ABCA4: variants seen among roughly 807,000 people sequenced by gnomAD.
ABCA4 encodes the protein ATP binding cassette subfamily A member 4, also known as retinal-specific phospholipid-transporting ATPase ABCA4.
In ABCA4, 196 loss-of-function variants were observed where a neutral mutation model predicts 263.7. The observed-to-expected ratio is 0.74, with a 90% CI of 0.66 to 0.84. The LOEUF is 0.84. Among genes scored for constraint, ABCA4 ranks in the 40% least tolerant of loss-of-function variants. The pLI is 0.00. For missense variants in ABCA4, 2,792 were observed against 2,855.1 expected (o/e 0.98, Z 0.50); for synonymous variants, 1,133 against 1,094.2 (o/e 1.04, Z -0.70).
Position 94,060,642 on chromosome 1 carries a change from G to A in ABCA4, c.2055C>T (p.Thr685=), listed in dbSNP as rs769157948. 3 of 1,614,138 alleles carry A rather than the reference G, an allele frequency of 1.9e-6. No homozygotes were observed. The South Asian group carries it at 3.3e-5, about 18-fold the overall frequency. The part of the protein sequence containing the change: ...VLEKELRLKE[T]LKNQGVSNAV... ...CATTGGAGACACCCTGATTTTTCAA[G>A]GTCTCCTTCAGTCGCAACTCCTTCT... The change falls in exon 14 of 50, where the codon ACC becomes ACT. Residue 685 remains threonine (T), a synonymous_variant. Coordinates refer to ENST00000370225, the MANE Select transcript of ABCA4 (RefSeq NM_000350.3).
chr1:94,041,765 AC>A (rs1217167480), intron 22 of ABCA4, among the ~76,000 whole-genome samples: 1 of 152,178 alleles, frequency 6.6e-6, no homozygotes, highest in Non-Finnish European at 1.5e-5. Context: ...TAAAGAACAC[AC>A]ACGTGCATAC....
rs61749459 is a variant in ABCA4, at chr1:94,043,462, C to G, written c.3064G>C (p.Glu1022Gln). Residue 1022 changes from glutamate (E) to glutamine (Q), a missense_variant, in exon 21 of 50, where the codon GAG (glutamate) becomes CAG (glutamine). Glu to Gln is a conservative substitution (Grantham distance 29, BLOSUM62 2). Transcript: ENST00000370225. ...NILFHHLTVA[E>Q]HMLFYAQLKG... ...AGCTGGGCATAGAACAGCATGTGCT[C>G]AGCCACCGTGAGGCTAGGAGGATGG... 6.2e-7 allele frequency: 1 copy of G among 1,614,176 alleles called. No homozygotes were observed. Among genetic ancestry groups the G allele is most frequent in the Admixed American group, 1.7e-5 (1 of 60,030 alleles).
At chr1:94,079,273 A>G in intron 9 of ABCA4, 49 bp downstream of exon 9, 1 of 1,607,892 alleles carries the variant, frequency 6.2e-7, no homozygotes, top group Middle Eastern at 1.7e-4. Flanking sequence ...ACACACACAC[A>G]CTTCTGGGAG....
chr1:94,091,137 T>A (rs908907342), intron 6 of ABCA4, among the ~76,000 whole-genome samples: 1 of 152,104 alleles, frequency 6.6e-6, no homozygotes, highest in African/African-American at 2.4e-5. Flanking sequence ...AGAGAAACAA[T>A]AGCTTGAGAT....
At position 94,032,043 on chromosome 1, in the gene ABCA4, C is replaced by T; in HGVS notation, c.3863G>A (p.Gly1288Asp). Residue 1288 changes from glycine (G) to aspartate (D), a missense_variant and splice_region_variant, in exon 27 of 50, where the codon GGT becomes GAT. Physicochemically the swap from Gly to Asp is moderately conservative, Grantham distance 94 (BLOSUM62 -1). Transcript: ENST00000370225. The stretch of plus-strand genomic sequence containing the variant: ...GTTTTCTCTTTTCTGCTGAGCGCCA[C>T]CTGTTTTGAGAGATTGAATTAATAA... ...EDSDSGPLFA[G>D]GAQQKRENVN... 1 of 1,610,032 alleles carries T rather than the reference C, an allele frequency of 6.2e-7. No individual in the cohort carries two copies. The highest frequency in any genetic ancestry group is 8.5e-7 in the Non-Finnish European group (1 of 1,179,984).
rs777636827 is a variant in ABCA4 at position 94,056,622 on chromosome 1, G to T, written c.2361C>A (p.Thr787=). ...ILCFAWQDRM[T]AELKKAVSLL... ...TCACCACAGCCTTCTTCAGCTCAGC[G>T]GTCATGCGGTCCTGCCAGGCGAAGC... is the stretch of plus-strand genomic sequence containing the variant. Residue 787 remains threonine (T), a synonymous_variant, in exon 15 of 50, where the codon ACC becomes ACA. Transcript: ENST00000370225. 6.2e-7 allele frequency: 1 copy of T among 1,613,170 alleles called. No homozygotes were observed. The highest frequency in any genetic ancestry group is 1.7e-5 in the Admixed American group (1 of 59,998).
At chr1:94,032,652 CCAAA>C (rs1224151566) in intron 26 of ABCA4, among the ~76,000 whole-genome samples, 2 of 152,038 alleles carry the variant, frequency 1.3e-5, no homozygotes, top group East Asian at 1.9e-4. Context: ...ACAAAGAAAA[CCAAA>C]CAAACAAACA....
chr1:94,034,122 C>G (rs1181327930), intron 26 of ABCA4, among the ~76,000 whole-genome samples: 1 of 152,166 alleles, frequency 6.6e-6, no homozygotes, highest in African/African-American at 2.4e-5. Context: ...GGAGGCTGCA[C>G]AAATGTTTCT....
At chr1:94,118,460 AG>A (rs558799082) in intron 1 of ABCA4, among the ~76,000 whole-genome samples, 3 of 152,240 alleles carry the variant, frequency 2.0e-5, no homozygotes, top group East Asian at 3.9e-4. Context: ...CTTTTCTTAG[AG>A]GGACCATCTT....
At chr1:94,049,707 C>T (rs915015468) in intron 17 of ABCA4, among the ~76,000 whole-genome samples, 5 of 152,104 alleles carry the variant, frequency 3.3e-5, no homozygotes, top group African/African-American at 1.2e-4. Context: ...TATGGTTTAC[C>T]TGAGAAATTC....
intron 26 of ABCA4, 84 bp from the exon 27 acceptor site, chr1:94,032,127 A>G: frequency 6.5e-7 from 1 of 1,527,698 alleles, no homozygotes; most frequent in South Asian, 1.1e-5. Context: ...CCCTTACAGC[A>G]TTGATTTTCC....
intron 11 of ABCA4, among the ~76,000 whole-genome samples, chr1:94,067,809 A>T (rs1361339923): frequency 5.9e-5 from 9 of 152,188 alleles, no homozygotes; most frequent in Admixed American, 1.3e-4. Flanking sequence ...CACCCATTTC[A>T]TTCTCACAAC....
intron 40 of ABCA4, 75 bp from the exon 41 acceptor site, chr1:94,008,946 C>A: frequency 6.3e-7 from 1 of 1,580,172 alleles, no homozygotes; most frequent in Non-Finnish European, 8.6e-7. Context: ...TGGGACCTCT[C>A]TTCCACTTCC....
rs35998587 is a variant in ABCA4 at position 94,028,930 on chromosome 1, A to AAAAAAAC, written c.4539+514_4539+515insGTTTTTT. Among the ~76,000 whole-genome samples the AAAAAAAC allele has an allele frequency of 1.6e-3, 169 of 108,030 alleles. 19 individuals are homozygous for AAAAAAAC. Among genetic ancestry groups the AAAAAAAC allele is most frequent in the African/African-American group, 5.0e-3 (131 of 26,358 alleles). The allele number at this position is 108,030 out of a possible 152,430, so 70.9% of individuals were successfully genotyped here. ...TCAAAAAAAAAAAAAAAAAAAAAAA[A>AAAAAAAC]GAAATTCAAACAATGGGATAATATA... is the stretch of plus-strand genomic sequence containing the variant. On this transcript the variant is annotated intron_variant, in intron 30 of 49. Transcript: ENST00000370225.
At chr1:94,060,121 G>C (rs1029976209) in intron 14 of ABCA4, among the ~76,000 whole-genome samples, 4 of 152,188 alleles carry the variant, frequency 2.6e-5, no homozygotes, top group Non-Finnish European at 4.4e-5. Context: ...AAGGCAAAAG[G>C]CTTTCCCCAT....
Position 94,043,407 on chromosome 1 carries a change from A to G in ABCA4, c.3119T>C (p.Leu1040Pro), listed in dbSNP as rs566342133. ...GTCCTCCAACATGGCTTCCATCTCC[A>G]GCTGGGCCTCCTCCTGGGACTTTCC... ...LKGKSQEEAQ[L>P]EMEAMLEDTG... The change falls in exon 21 of 50, where the codon CTG becomes CCG. Residue 1040 changes from leucine (L) to proline (P), a missense_variant. By Grantham distance (98) the Leu-to-Pro change is moderately conservative. Coordinates refer to ENST00000370225, the MANE Select transcript of ABCA4 (RefSeq NM_000350.3). 2 of 1,614,154 alleles carry G rather than the reference A, an allele frequency of 1.2e-6. No homozygotes were observed. The highest frequency in any genetic ancestry group is 4.5e-5 in the East Asian group (2 of 44,862).
At position 94,030,475 on chromosome 1, in the gene ABCA4, C is replaced by A. The variant is rs1322226342; in HGVS notation, c.4305G>T (p.Leu1435=). Residue 1435 remains leucine (L), a synonymous_variant, in exon 29 of 50, where the codon CTG becomes CTT. Coordinates refer to ENST00000370225, the MANE Select transcript of ABCA4 (RefSeq NM_000350.3). ...AGCGGTTGCCAAAGCCTGGCTTATTCAGGAGGACGTCTGCAAGTACCGTGA... is the reference window on the plus strand; with the variant it reads ...AGCGGTTGCCAAAGCCTGGCTTATTAAGGAGGACGTCTGCAAGTACCGTGA... ...EQFTVLADVL[L]NKPGFGNRCL... 6.2e-7 allele frequency: 1 copy of A among 1,614,122 alleles called. No homozygotes were observed. The highest frequency in any genetic ancestry group is 8.5e-7 in the Non-Finnish European group (1 of 1,180,056).
chr1:94,108,781 A>T, intron 3 of ABCA4, 65 bp from the exon 4 acceptor site: 1 of 1,573,646 alleles, frequency 6.4e-7, no homozygotes, highest in Non-Finnish European at 8.7e-7. Context: ...ATAATATCTC[A>T]TGCTATTTTT....
At chr1:94,062,374 C>CACTGCACT (rs1415857599) in intron 13 of ABCA4, among the ~76,000 whole-genome samples, 1 of 152,068 alleles carries the variant, frequency 6.6e-6, no homozygotes, top group Non-Finnish European at 1.5e-5. Flanking sequence ...CCTTTCCCAC[C>CACTGCACT]ACTGCACTGA....
Sources: allele counts gnomAD v4.1 joint callset (sites outside exome capture counted in the v4.1 genomes callset), GRCh38; gene constraint gnomAD v4.1.1; transcripts MANE v1.5; gene names NCBI Gene and HGNC (gene_info 2026-07-23, HGNC 2026-07-21).